Variants in ZC3HAV1 observed in about 807,000 individuals in gnomAD.
The protein encoded by ZC3HAV1 is zinc finger CCCH-type containing, antiviral 1.
Under a neutral mutation model 86.6 loss-of-function variants are expected in ZC3HAV1, and 41 were observed. The ratio of observed to expected loss-of-function variants is 0.47; its 90% CI spans 0.37 to 0.61. The LOEUF (loss-of-function observed/expected upper bound fraction) is 0.61. Ranked by LOEUF, ZC3HAV1 falls within the 20% of genes least tolerant of loss-of-function variation. ZC3HAV1 has a pLI of 0.00. For synonymous variants in ZC3HAV1, 421 were observed against 432.1 expected (o/e 0.97, Z 0.32); for missense variants, 964 against 1,141.1 (o/e 0.84, Z 2.24).
chr7:139,074,575 T>A (rs918660126), intron 6 of ZC3HAV1, among the ~76,000 whole-genome samples: 4 of 152,030 alleles, frequency 2.6e-5, no homozygotes, highest in African/African-American at 9.7e-5. Context: ...TCTTCTATTA[T>A]GCCAGACATT....
chr7:139,048,357 G>C (rs1234113922), intron 12 of ZC3HAV1, among the ~76,000 whole-genome samples: 1 of 152,118 alleles, frequency 6.6e-6, no homozygotes, highest in East Asian at 1.9e-4. Flanking sequence ...TGTAATCCCA[G>C]CATTATGGGA....
At chr7:139,101,594 A>G (rs1817774750) in intron 1 of ZC3HAV1, among the ~76,000 whole-genome samples, 1 of 145,942 alleles carries the variant, frequency 6.9e-6, no homozygotes, top group African/African-American at 2.6e-5. Context: ...GGGAAATGAT[A>G]GAGAAATCGG....
chr7:139,107,289 T>C (rs1817964465), intron 1 of ZC3HAV1, among the ~76,000 whole-genome samples: 1 of 152,318 alleles, frequency 6.6e-6, no homozygotes, highest in African/African-American at 2.4e-5. Flanking sequence ...CTTCAAATTG[T>C]TGCCCCACAA....
chr7:139,093,122 A>T (rs982208711), intron 1 of ZC3HAV1, among the ~76,000 whole-genome samples: 15 of 152,184 alleles, frequency 9.9e-5, no homozygotes, highest in Non-Finnish European at 7.3e-5. Context: ...AGTCACGATA[A>T]TCCTACTTTG....
At chr7:139,082,592 C>T (rs768084975) in intron 3 of ZC3HAV1, among the ~76,000 whole-genome samples, 1 of 152,004 alleles carries the variant, frequency 6.6e-6, no homozygotes, top group Non-Finnish European at 1.5e-5. Flanking sequence ...CTGGAAATGG[C>T]CCAAATATCC....
At chr7:139,078,009 C>T (rs1036499046) in intron 5 of ZC3HAV1, among the ~76,000 whole-genome samples, 2 of 152,126 alleles carry the variant, frequency 1.3e-5, no homozygotes, top group African/African-American at 2.4e-5. Context: ...AAGGCCGAGG[C>T]GGGTGGATCA....
At chr7:139,066,237 G>A (rs953898609) in intron 7 of ZC3HAV1, among the ~76,000 whole-genome samples, 8 of 152,086 alleles carry the variant, frequency 5.3e-5, no homozygotes, top group African/African-American at 9.7e-5. Context: ...AGGGGCTCAC[G>A]GTTCCTTTTG....
intron 5 of ZC3HAV1, among the ~76,000 whole-genome samples, chr7:139,078,231 TC>T (rs1172670906): frequency 2.6e-5 from 4 of 152,082 alleles, no homozygotes; most frequent in African/African-American, 4.8e-5. Flanking sequence ...AGAGTGAGAC[TC>T]CGTCTCAAAA....
intron 8 of ZC3HAV1, among the ~76,000 whole-genome samples, chr7:139,061,668 T>A (rs532538215): frequency 6.6e-6 from 1 of 152,250 alleles, no homozygotes; most frequent in Non-Finnish European, 1.5e-5. Flanking sequence ...TGGTTTCTTA[T>A]ACAGTTAAAT....
intron 8 of ZC3HAV1, among the ~76,000 whole-genome samples, chr7:139,061,670 C>T (rs1212121360): frequency 6.6e-6 from 1 of 152,190 alleles, no homozygotes; most frequent in Non-Finnish European, 1.5e-5. Flanking sequence ...GTTTCTTATA[C>T]AGTTAAATAT....
Position 139,045,562 on chromosome 7 carries a change from A to G in ZC3HAV1, c.*2032T>C, listed in dbSNP as rs1404381896. On this transcript the variant is annotated 3_prime_UTR_variant, in exon 13 of 13. Coordinates refer to ENST00000242351, the MANE Select transcript of ZC3HAV1 (RefSeq NM_020119.4). ...TAGATGTTTATCAGGAGGGAGAGGA[A>G]GGAGTCAAAGATGACTTCCAGATTT... 2 of 152,224 alleles carry G rather than the reference A, an allele frequency of 1.3e-5. No homozygotes were observed. Among genetic ancestry groups the G allele is most frequent in the Non-Finnish European group, 2.9e-5 (2 of 68,040 alleles). 9.4% of individuals were successfully genotyped at this position (152,224 alleles called of 1,614,324 possible).
intron 9 of ZC3HAV1, 190 bp downstream of exon 9, chr7:139,060,846 T>A: frequency 6.7e-7 from 1 of 1,500,586 alleles, no homozygotes; most frequent in Non-Finnish European, 8.9e-7. Flanking sequence ...TTTTCCGATC[T>A]AGTATCCTTT....
chr7:139,064,281 A>G (rs1038282825), intron 8 of ZC3HAV1, among the ~76,000 whole-genome samples: 3 of 152,218 alleles, frequency 2.0e-5, no homozygotes, highest in Non-Finnish European at 4.4e-5. Context: ...GGGGTGCCCA[A>G]TGGGATGGTA....
intron 10 of ZC3HAV1, among the ~76,000 whole-genome samples, chr7:139,054,534 G>A (rs1317229874): frequency 3.3e-5 from 5 of 152,226 alleles, no homozygotes; most frequent in African/African-American, 1.2e-4. Flanking sequence ...GACTCCCATA[G>A]AAACTTGTTA....
At chr7:139,078,013 T>C (rs981449385) in intron 5 of ZC3HAV1, among the ~76,000 whole-genome samples, 3 of 151,850 alleles carry the variant, frequency 2.0e-5, no homozygotes, top group African/African-American at 4.8e-5. Flanking sequence ...CCGAGGCGGG[T>C]GGATCACTTG....
At chr7:139,047,976 T>C (rs1816010123) in intron 12 of ZC3HAV1, 123 bp from the exon 13 acceptor site, 1 of 1,003,010 alleles carries the variant, frequency 1.0e-6, no homozygotes, top group Non-Finnish European at 1.4e-6. Context: ...CTTACTGATA[T>C]TTATAAACTT....
rs1224892174 is a variant in ZC3HAV1 at position 139,082,516 on chromosome 7, GAAAACAGGGTCTC to G, written c.697+1251_697+1263del. Among the ~76,000 whole-genome samples the G allele has an allele frequency of 3.9e-5, 6 of 152,256 alleles. 1 individual carries two copies. Among genetic ancestry groups the G allele is most frequent in the Admixed American group, 3.9e-4 (6 of 15,292 alleles). On this transcript the variant is annotated intron_variant, in intron 3 of 12. Transcript: ENST00000242351. ...TCTGATTATATACCCCCGAGGAACT[GAAAACAGGGTCTC>G]AAAGTGGTATCTGTACACCATGTTT... is the stretch of plus-strand genomic sequence containing the variant.
At chr7:139,059,825 A>G (rs1335674441) in intron 9 of ZC3HAV1, among the ~76,000 whole-genome samples, 1 of 152,220 alleles carries the variant, frequency 6.6e-6, no homozygotes, top group Non-Finnish European at 1.5e-5. Flanking sequence ...TAGCAGGGGA[A>G]TAAAAATAAT....
At chr7:139,097,428 A>ATTTT (rs11291842) in intron 1 of ZC3HAV1, among the ~76,000 whole-genome samples, 24 of 48,158 alleles carry the variant, frequency 5.0e-4, no homozygotes, top group African/African-American at 2.0e-3. Context: ...ATATATATAT[A>ATTTT]TTTTTTTTTT....
Sources: allele counts gnomAD v4.1 joint callset (sites outside exome capture counted in the v4.1 genomes callset), GRCh38; gene constraint gnomAD v4.1.1; transcripts MANE v1.5; gene names NCBI Gene and HGNC (gene_info 2026-07-23, HGNC 2026-07-21).